TMEM132C: variants seen among roughly 807,000 people sequenced by gnomAD.
TMEM132C encodes the protein protein phosphatase 1, regulatory subunit 152.
A neutral mutation model predicts 61.4 loss-of-function variants in TMEM132C; 29 were observed. The observed-to-expected ratio is 0.47, with a 90% CI of 0.35 to 0.64. The LOEUF is 0.64. Ranked by LOEUF, TMEM132C falls within the 30% of genes least tolerant of loss-of-function variation. The pLI is 0.00. For synonymous variants in TMEM132C, 656 were observed against 633.1 expected (o/e 1.04, Z -0.54); for missense variants, 1,408 against 1,476.9 (o/e 0.95, Z 0.76).
chr12:128,671,897 C>T (rs1323643784), intron 5 of TMEM132C, among the ~76,000 whole-genome samples: 3 of 152,076 alleles, frequency 2.0e-5, no homozygotes, highest in Admixed American at 6.6e-5. Context: ...ACAGAAAGAC[C>T]ACAAAGCCCA....
intron 2 of TMEM132C, among the ~76,000 whole-genome samples, chr12:128,498,676 GA>G (rs893727719): frequency 2.0e-5 from 3 of 148,600 alleles, no homozygotes; most frequent in South Asian, 2.1e-4. Context: ...ATCTCAAAAA[GA>G]AAAAAAAAGA....
At chr12:128,382,407 T>C (rs1874429760) in intron 1 of TMEM132C, among the ~76,000 whole-genome samples, 1 of 152,200 alleles carries the variant, frequency 6.6e-6, no homozygotes, top group African/African-American at 2.4e-5. Context: ...ACTTCTGCAA[T>C]AATGGGAATG....
chr12:128,368,456 T>C (rs1206257278), intron 1 of TMEM132C, among the ~76,000 whole-genome samples: 4 of 152,186 alleles, frequency 2.6e-5, no homozygotes, highest in Admixed American at 2.6e-4. Context: ...CTTCCTAAAG[T>C]AGCGAAGATG....
At chr12:128,637,896 G>A (rs903813839) in intron 4 of TMEM132C, among the ~76,000 whole-genome samples, 1 of 152,174 alleles carries the variant, frequency 6.6e-6, no homozygotes, top group South Asian at 2.1e-4. Flanking sequence ...TGCATATCTA[G>A]GTAGGAACCC....
chr12:128,507,197 C>T (rs561616363), intron 2 of TMEM132C, among the ~76,000 whole-genome samples: 7 of 152,230 alleles, frequency 4.6e-5, no homozygotes, highest in Non-Finnish European at 7.4e-5. Flanking sequence ...CTGTCCCACA[C>T]CCCGGGTGAC....
chr12:128,569,262 T>C (rs977222052), intron 3 of TMEM132C, among the ~76,000 whole-genome samples: 3 of 152,086 alleles, frequency 2.0e-5, no homozygotes, highest in Non-Finnish European at 1.5e-5. Flanking sequence ...CCTGAGGGGA[T>C]AAGGTGGTGG....
chr12:128,431,550 CT>C (rs386378189), intron 2 of TMEM132C, among the ~76,000 whole-genome samples: 127 of 98,876 alleles, frequency 1.3e-3, no homozygotes, highest in East Asian at 4.2e-3. Flanking sequence ...CCATCTAGGA[CT>C]TTTTTTTTTT....
Position 128,705,477 on chromosome 12 carries a change from G to C in TMEM132C, c.2509G>C (p.Asp837His). Reference sequence around the variant, plus strand: ...CCAGCACCATGAGCGCACAGGCCAAGATGGGCACCTCTATGGCAGCTCTCC... The same window carrying C: ...CCAGCACCATGAGCGCACAGGCCAACATGGGCACCTCTATGGCAGCTCTCC... ...KGQHHERTGQ[D>H]GHLYGSSPVE... The change falls in exon 9 of 9, where the codon GAT becomes CAT. Residue 837 changes from aspartate (D) to histidine (H), a missense_variant. Physicochemically the swap from Asp to His is moderately conservative, Grantham distance 81. Transcript: ENST00000435159. 6.4e-7 allele frequency: 1 copy of C among 1,551,194 alleles called. No individual in the cohort carries two copies. The highest frequency in any genetic ancestry group is 8.7e-7 in the Non-Finnish European group (1 of 1,146,924).
intron 1 of TMEM132C, among the ~76,000 whole-genome samples, chr12:128,365,711 C>T (rs747942194): frequency 1.3e-5 from 2 of 152,180 alleles, no homozygotes; most frequent in African/African-American, 2.4e-5. Flanking sequence ...TGCAAATCTC[C>T]GAGGATGGCT....
intron 2 of TMEM132C, among the ~76,000 whole-genome samples, chr12:128,462,957 C>A (rs1295470919): frequency 1.3e-5 from 2 of 152,150 alleles, no homozygotes; most frequent in Non-Finnish European, 2.9e-5. Context: ...AGCTGAACAG[C>A]CCAGCCACAT....
chr12:128,645,681 G>A (rs1241001194), intron 4 of TMEM132C, among the ~76,000 whole-genome samples: 3 of 152,242 alleles, frequency 2.0e-5, no homozygotes, highest in African/African-American at 7.2e-5. Context: ...CCTTTGAGAT[G>A]CCAGTGCCCC....
intron 3 of TMEM132C, among the ~76,000 whole-genome samples, chr12:128,577,656 C>A (rs1875164173): frequency 6.6e-6 from 1 of 152,236 alleles, no homozygotes; most frequent in African/African-American, 2.4e-5. Flanking sequence ...ATTAACTCAG[C>A]TCTCCGCTCC....
chr12:128,320,105 G>A lies in TMEM132C; in HGVS notation c.85+52618G>A, dbSNP rs1872282158. Among the ~76,000 whole-genome samples, 3 of 152,168 alleles carry A rather than the reference G, an allele frequency of 2.0e-5. No individual in the cohort carries two copies. In the South Asian group the frequency reaches 6.2e-4, roughly 32 times the overall value. On this transcript the variant is annotated intron_variant, in intron 1 of 8. Transcript: ENST00000435159. ...CAAGTCGCCAAAAGTTGTTAGTTAG[G>A]AACGCTCCTGTTTTTGTTTCTGTAG...
At chr12:128,592,752 C>T (rs535265027) in intron 3 of TMEM132C, among the ~76,000 whole-genome samples, 20 of 152,314 alleles carry the variant, frequency 1.3e-4, no homozygotes, top group African/African-American at 4.6e-4. Flanking sequence ...ATAGCGAGGA[C>T]CCCCAGGCTC....
intron 1 of TMEM132C, among the ~76,000 whole-genome samples, chr12:128,305,143 C>T (rs1318521112): frequency 6.6e-6 from 1 of 151,964 alleles, no homozygotes; most frequent in Admixed American, 6.6e-5. Context: ...CTTTGGGAGG[C>T]AGAAGTGGGA....
chr12:128,662,829 A>C (rs1328373671), intron 4 of TMEM132C, among the ~76,000 whole-genome samples: 1 of 152,054 alleles, frequency 6.6e-6, no homozygotes, highest in Admixed American at 6.5e-5. Flanking sequence ...TCTCTGGGAC[A>C]TTTTAGATTA....
intron 2 of TMEM132C, among the ~76,000 whole-genome samples, chr12:128,516,305 T>C (rs1872715774): frequency 6.6e-6 from 1 of 152,158 alleles, no homozygotes; most frequent in Non-Finnish European, 1.5e-5. Context: ...GATGGGACAA[T>C]TGGTGTGAGC....
chr12:128,434,585 G>T (rs1869510411), intron 2 of TMEM132C, among the ~76,000 whole-genome samples: 1 of 151,582 alleles, frequency 6.6e-6, no homozygotes, highest in Non-Finnish European at 1.5e-5. Flanking sequence ...ACCGCACCTG[G>T]CCTGGATAAT....
At position 128,622,215 on chromosome 12, in the gene TMEM132C, G is replaced by A. The variant is rs201234518; in HGVS notation, c.1305+5880G>A. On this transcript the variant is annotated intron_variant, in intron 4 of 8. Coordinates refer to ENST00000435159, the MANE Select transcript of TMEM132C (RefSeq NM_001136103.3). Reference sequence around the variant, plus strand: ...TAAAATTAGCCAGGCATGGCAGCACGTGCCTGTATTCCCAGCTACTCGGGA... The same window carrying A: ...TAAAATTAGCCAGGCATGGCAGCACATGCCTGTATTCCCAGCTACTCGGGA... 6.4e-4 allele frequency among the ~76,000 whole-genome samples: 96 copies of A among 150,682 alleles called. No individual in the cohort carries two copies. The East Asian group carries it at 0.012, about 19-fold the overall frequency.
Sources: allele counts gnomAD v4.1 joint callset (sites outside exome capture counted in the v4.1 genomes callset), GRCh38; gene constraint gnomAD v4.1.1; transcripts MANE v1.5; gene names NCBI Gene and HGNC (gene_info 2026-07-23, HGNC 2026-07-21).